HRNR: variants seen among roughly 807,000 people sequenced by gnomAD.
HRNR encodes hornerin, also known as filaggrin family member 3.
In HRNR, 7 loss-of-function variants were observed where a neutral mutation model predicts 4.8. The ratio of observed to expected loss-of-function variants is 1.47; its 90% CI spans 0.83 to 2.75. The LOEUF (loss-of-function observed/expected upper bound fraction) is 2.75. Ranked by LOEUF, HRNR falls within the 30% of genes most tolerant of loss-of-function variation. The probability of loss-of-function intolerance (pLI) is 0.00; values close to 1 mark genes in which losing one functional copy is unlikely to be tolerated. For missense variants in HRNR, 2,879 were observed against 3,010.4 expected (o/e 0.96, Z 1.02); for synonymous variants, 1,023 against 1,242.7 (o/e 0.82, Z 3.72).
At position 152,219,602 on chromosome 1, in the gene HRNR, C is replaced by T. The variant is rs147863842; in HGVS notation, c.2027G>A (p.Gly676Asp). The T allele has an allele frequency of 3.1e-4, 498 of 1,610,560 alleles. No homozygotes were observed. The highest frequency in any genetic ancestry group is 5.2e-4 in the Admixed American group (31 of 59,714). ...GSDFGHSSSY[G>D]QHGSGSGWSS... ...CCAACCGGAGCCAGACCCATGTTGG[C>T]CGTAGCTGGAAGAGTGCCCAAAATC... The change falls in exon 3 of 3, where the codon GGC (glycine) becomes GAC (aspartate). Residue 676 changes from glycine (G) to aspartate (D), a missense_variant. Coordinates refer to ENST00000368801, the MANE Select transcript of HRNR (RefSeq NM_001009931.3).
rs748864249 is a variant in HRNR at position 152,215,380 on chromosome 1, T to A, written c.6249A>T (p.Arg2083=). 45 of 1,590,378 alleles carry A rather than the reference T, an allele frequency of 2.8e-5. 2 individuals carry two copies. The highest frequency in any genetic ancestry group is 3.6e-5 in the Non-Finnish European group (42 of 1,172,640). The change falls in exon 3 of 3, where the codon CGA becomes CGT. Residue 2083 remains arginine, a synonymous_variant. Transcript: ENST00000368801. Reference sequence around the variant, plus strand: ...AAGACCGACCGGAGCCAGACCCATGTCGGCCATAGCTGGGAGACTGCCTTG... The same window carrying A: ...AAGACCGACCGGAGCCAGACCCATGACGGCCATAGCTGGGAGACTGCCTTG... The part of the protein sequence containing the change: ...SGSRQSPSYG[R]HGSGSGRSSS...
chr1:152,221,470 A>AGTATC lies in HRNR; in HGVS notation c.154_158dup (p.Val54IlefsTer25). ...CCAGACTTTGCAAGATGATATCCAC[A>AGTATC]GTATCTGGATCGTTTGGATTCTGTA... On this transcript the variant is annotated frameshift_variant, in exon 3 of 3. Coordinates refer to ENST00000368801, the MANE Select transcript of HRNR (RefSeq NM_001009931.3). LOFTEE classifies it low-confidence loss of function (END_TRUNC). The AGTATC allele has an allele frequency of 6.2e-7, 1 of 1,606,928 alleles. No homozygotes were observed. Among genetic ancestry groups the AGTATC allele is most frequent in the Non-Finnish European group, 8.5e-7 (1 of 1,175,858 alleles).
rs1458973690 is a variant in HRNR, at chr1:152,219,299, C to G, written c.2330G>C (p.Ser777Thr). The change falls in exon 3 of 3, where the codon AGC becomes ACC. Residue 777 changes from serine to threonine, a missense_variant. Physicochemically the swap from Ser to Thr is moderately conservative, Grantham distance 58. This residue lies in a region of HRNR where 2,646 missense variants were observed against 1,377.7 expected (regional missense o/e 1.92). Coordinates refer to ENST00000368801, the MANE Select transcript of HRNR (RefSeq NM_001009931.3). The part of the protein sequence containing the change: ...RQGSGSGHSP[S>T]RVRHGSSSGH... ...TGAACTGGACCCATGTCGGACACGGCTAGGAGAGTGGCCAGATCCAGACCC... is the reference window on the plus strand; with the variant it reads ...TGAACTGGACCCATGTCGGACACGGGTAGGAGAGTGGCCAGATCCAGACCC... The G allele has an allele frequency of 1.2e-6, 2 of 1,613,308 alleles. No individual in the cohort carries two copies. Among genetic ancestry groups the G allele is most frequent in the East Asian group, 2.2e-5 (1 of 44,840 alleles).
Position 152,219,294 on chromosome 1 carries a change from C to G in HRNR, c.2335G>C (p.Val779Leu), listed in dbSNP as rs779417990. ...GSGSGHSPSR[V>L]RHGSSSGHSS... is the part of the protein sequence containing the mutation. ...TGCCCTGAACTGGACCCATGTCGGACACGGCTAGGAGAGTGGCCAGATCCA... is the reference window on the plus strand; with the variant it reads ...TGCCCTGAACTGGACCCATGTCGGAGACGGCTAGGAGAGTGGCCAGATCCA... Residue 779 changes from valine (V) to leucine (L), a missense_variant, in exon 3 of 3, where the codon GTC becomes CTC. Physicochemically the swap from Val to Leu is conservative, Grantham distance 32 (BLOSUM62 1). Around this residue, in one of 8 missense-constraint regions of HRNR, gnomAD observed 2,646 missense variants for 1,377.7 expected, o/e 1.92. Transcript: ENST00000368801. 1.1e-5 allele frequency: 18 copies of G among 1,613,132 alleles called. No individual in the cohort carries two copies. Among genetic ancestry groups the G allele is most frequent in the Non-Finnish European group, 1.4e-5 (16 of 1,179,876 alleles).
At position 152,218,836 on chromosome 1, in the gene HRNR, G is replaced by T. The variant is rs182032057; in HGVS notation, c.2793C>A (p.Gly931=). Reference sequence around the variant, plus strand: ...GCCCTGAGCTAGACTTGTGACCAAAGCCAGAAGACTGGCCTGAGCCAGACC... The same window carrying T: ...GCCCTGAGCTAGACTTGTGACCAAATCCAGAAGACTGGCCTGAGCCAGACC... The part of the protein sequence containing the change: ...RHGSGSGQSS[G]FGHKSSSGQS... The change falls in exon 3 of 3, where the codon GGC becomes GGA. Residue 931 remains glycine, a synonymous_variant. Coordinates refer to ENST00000368801, the MANE Select transcript of HRNR (RefSeq NM_001009931.3). The T allele has an allele frequency of 2.3e-4, 373 of 1,613,754 alleles. No homozygotes were observed. Among genetic ancestry groups the T allele is most frequent in the African/African-American group, 8.5e-4 (64 of 74,916 alleles).
chr1:152,223,444 C>T (rs1649069017), intron 1 of HRNR, among the ~76,000 whole-genome samples, 166 bp from the exon 2 acceptor site: 1 of 152,268 alleles, frequency 6.6e-6, no homozygotes, highest in Middle Eastern at 3.4e-3. Context: ...CTTGTTCAAG[C>T]CATGTAGCAA....
rs61814943 is a variant in HRNR, at chr1:152,219,687, G to C, written c.1942C>G (p.Arg648Gly). ...GATCCAGAGCCCTGTTGGCCATAGCGAGAAGACTGACTTGAGCCAGAGCCA... is the reference window on the plus strand; with the variant it reads ...GATCCAGAGCCCTGTTGGCCATAGCCAGAAGACTGACTTGAGCCAGAGCCA... ...QHGSGSSQSS[R>G]YGQQGSGSGQ... The change falls in exon 3 of 3, where the codon CGC becomes GGC. Residue 648 changes from arginine (R) to glycine (G), a missense_variant. Coordinates refer to ENST00000368801, the MANE Select transcript of HRNR (RefSeq NM_001009931.3). 200 of 1,472,856 alleles carry C rather than the reference G, an allele frequency of 1.4e-4. No homozygotes were observed. The highest frequency in any genetic ancestry group is 1.3e-3 in the African/African-American group (86 of 66,148). The allele number at this position is 1,472,856 out of a possible 1,614,324, so 91.2% of individuals were successfully genotyped here.
At position 152,220,927 on chromosome 1, in the gene HRNR, G is replaced by T; in HGVS notation, c.702C>A (p.His234Gln). 1.2e-6 allele frequency: 2 copies of T among 1,612,358 alleles called. No individual in the cohort carries two copies. The highest frequency in any genetic ancestry group is 1.7e-6 in the Non-Finnish European group (2 of 1,178,366). ...CAGAGGACTGCCCTGAGCTAGACTT[G>T]TGTTGACTAAAGCCAGAAGACTGGC... ...GSGQSSGFSQHKSSSGQSSGY... is the reference protein window; with the variant it reads ...GSGQSSGFSQQKSSSGQSSGY... Residue 234 changes from histidine to glutamine, a missense_variant, in exon 3 of 3, where the codon CAC becomes CAA. His to Gln is a conservative substitution (Grantham distance 24, BLOSUM62 0). Transcript: ENST00000368801.
At position 152,219,449 on chromosome 1, in the gene HRNR, C is replaced by G. The variant is rs373371145; in HGVS notation, c.2180G>C (p.Arg727Thr). ...GSGSSHSSGY[R>T]KHGSRSGQSS... is the part of the protein sequence containing the mutation. ...CTGTCCTGACCTAGAGCCGTGTTTT[C>G]TGTAGCCGGAGGAGTGACTTGAGCC... Residue 727 changes from arginine to threonine, a missense_variant, in exon 3 of 3, where the codon AGA becomes ACA. Transcript: ENST00000368801. 1.9e-6 allele frequency: 3 copies of G among 1,613,808 alleles called. No homozygotes were observed. In the African/African-American group the frequency reaches 4.0e-5, roughly 22 times the overall value.
At position 152,218,193 on chromosome 1, in the gene HRNR, AC is replaced by A. The variant is rs1648726207; in HGVS notation, c.3435del (p.Ser1146LeufsTer16). On this transcript the variant is annotated frameshift_variant, in exon 3 of 3. Coordinates refer to ENST00000368801, the MANE Select transcript of HRNR (RefSeq NM_001009931.3). LOFTEE classifies it low-confidence loss of function (END_TRUNC). ...CTGCTGGAAGACCGACCGGAGCCAG[AC>A]CCATGTCGGCCGTAGCTGGGAGACT... is the stretch of plus-strand genomic sequence containing the variant. Reference protein sequence around the residue: ...SRQSPSYGRHGSGSGRSSSSG... With the variant: ...SRQSPSYGRHXSGSGRSSSSG... 1 of 1,381,108 alleles carries A rather than the reference AC, an allele frequency of 7.2e-7. No individual in the cohort carries two copies. Among genetic ancestry groups the A allele is most frequent in the African/African-American group, 1.8e-5 (1 of 57,126 alleles). 85.6% of individuals were successfully genotyped at this position (1,381,108 alleles called of 1,614,324 possible).
At position 152,219,282 on chromosome 1, in the gene HRNR, AC is replaced by A. The variant is rs1557844495; in HGVS notation, c.2346del (p.Ser783ProfsTer268). The A allele has an allele frequency of 6.2e-6, 10 of 1,612,614 alleles. No homozygotes were observed. Among genetic ancestry groups the A allele is most frequent in the Non-Finnish European group, 8.5e-6 (10 of 1,179,764 alleles). On this transcript the variant is annotated frameshift_variant, in exon 3 of 3. Coordinates refer to ENST00000368801, the MANE Select transcript of HRNR (RefSeq NM_001009931.3). LOFTEE classifies it low-confidence loss of function (END_TRUNC). ...TGGCTGGAGGAGTGCCCTGAACTGG[AC>A]CCATGTCGGACACGGCTAGGAGAGT... ...SGHSPSRVRH[G>X]SSSGHSSSHG... is the part of the protein sequence containing the mutation.
chr1:152,222,972 C>G (rs922271172), intron 2 of HRNR, 144 bp downstream of exon 2: 5 of 780,004 alleles, frequency 6.4e-6, no homozygotes, highest in East Asian at 2.6e-5. Flanking sequence ...CTGCTTTTGA[C>G]CTTATCTCAA....
chr1:152,218,749 G>C lies in HRNR; in HGVS notation c.2880C>G (p.His960Gln). 1.9e-6 allele frequency: 3 copies of C among 1,613,676 alleles called. No homozygotes were observed. Among genetic ancestry groups the C allele is most frequent in the Non-Finnish European group, 1.7e-6 (2 of 1,179,978 alleles). The change falls in exon 3 of 3, where the codon CAC (histidine) becomes CAG (glutamine). Residue 960 changes from histidine to glutamine, a missense_variant. By Grantham distance (24) the His-to-Gln change is conservative. Transcript: ENST00000368801. ...GSGHSSSYEQ[H>Q]GSRSGQSSRS... Reference sequence around the variant, plus strand: ...TAGATGACTGTCCTGACCTAGAGCCGTGTTGTTCGTAGCTGGAGGAGTGAC... The same window carrying C: ...TAGATGACTGTCCTGACCTAGAGCCCTGTTGTTCGTAGCTGGAGGAGTGAC...
chr1:152,213,027 T>G lies in HRNR; in HGVS notation c.*49A>C. 6.4e-7 allele frequency: 1 copy of G among 1,568,322 alleles called. No individual in the cohort carries two copies. The highest frequency in any genetic ancestry group is 8.6e-7 in the Non-Finnish European group (1 of 1,158,554). ...TTCATGATGAATTCATAGATGACTT[T>G]CCTATTTCTTAAATTGCTACTTGAG... On this transcript the variant is annotated 3_prime_UTR_variant, in exon 3 of 3. Transcript: ENST00000368801.
chr1:152,212,923 A>T lies in HRNR; in HGVS notation c.*153T>A. On this transcript the variant is annotated 3_prime_UTR_variant, in exon 3 of 3. Coordinates refer to ENST00000368801, the MANE Select transcript of HRNR (RefSeq NM_001009931.3). ...GGAACCCCATAACAAGATATATGCTACAGTTTTAGGCTCTAAAGAAAGAGA... is the reference window on the plus strand; with the variant it reads ...GGAACCCCATAACAAGATATATGCTTCAGTTTTAGGCTCTAAAGAAAGAGA... 3 of 1,035,036 alleles carry T rather than the reference A, an allele frequency of 2.9e-6. No individual in the cohort carries two copies. Among genetic ancestry groups the T allele is most frequent in the Non-Finnish European group, 4.1e-6 (3 of 728,196 alleles). The allele number at this position is 1,035,036 out of a possible 1,614,324, so 64.1% of individuals were successfully genotyped here.
rs779129401 is a variant in HRNR, at chr1:152,213,102, C to A, written c.8527G>T (p.Glu2843Ter). 6.2e-7 allele frequency: 1 copy of A among 1,613,522 alleles called. No homozygotes were observed. Among genetic ancestry groups the A allele is most frequent in the Non-Finnish European group, 8.5e-7 (1 of 1,179,776 alleles). ...CACTGATAAAAGTAGCACCTCTGCTCTTGGACATATTCATAGGGTGAAGTG... is the reference window on the plus strand; with the variant it reads ...CACTGATAAAAGTAGCACCTCTGCTATTGGACATATTCATAGGGTGAAGTG... Reference protein sequence around the residue: ...SSTSPYEYVQEQRCYFYQ With the variant: ...SSTSPYEYVQ The change falls in exon 3 of 3, where the codon GAG becomes TAG. Residue 2843 changes from glutamate to a stop codon, truncating the protein, a stop_gained. Transcript: ENST00000368801. LOFTEE classifies it low-confidence loss of function (END_TRUNC).
chr1:152,221,031 C>A lies in HRNR; in HGVS notation c.598G>T (p.Gly200Trp). The change falls in exon 3 of 3, where the codon GGG becomes TGG. Residue 200 changes from glycine to tryptophan, a missense_variant. This residue lies in a region of HRNR where 2,646 missense variants were observed against 1,377.7 expected (regional missense o/e 1.92). Transcript: ENST00000368801. ...TGTTGGCCATAGTTGGGAGACTGCC[C>A]TGACCCAGACCCACATTGGCCGCGG... ...SGRGQCGSGS[G>W]QSPNYGQHGS... The A allele has an allele frequency of 1.9e-6, 3 of 1,613,512 alleles. No individual in the cohort carries two copies. Among genetic ancestry groups the A allele is most frequent in the Non-Finnish European group, 2.5e-6 (3 of 1,179,604 alleles).
Position 152,220,759 on chromosome 1 carries a change from G to A in HRNR, c.870C>T (p.Ser290=), listed in dbSNP as rs765884657. 8.1e-6 allele frequency: 13 copies of A among 1,614,116 alleles called. No individual in the cohort carries two copies. The highest frequency in any genetic ancestry group is 4.5e-5 in the East Asian group (2 of 44,876). Residue 290 remains serine, a synonymous_variant, in exon 3 of 3, where the codon TCC becomes TCT. Transcript: ENST00000368801. ...GTCGGCCGTGGCCCAAAGACTGACG[G>A]GAACCAGACCCATGCTGACCATAGC... ...SSSYGQHGSG[S]RQSLGHGRQG...
rs1472410684 is a variant in HRNR, at chr1:152,219,121, A to T, written c.2508T>A (p.Gly836=). ...QGYSQHGSAS[G]HFSSQGRHGS... ...CATGTCGTCCCTGGCTAGAGAAGTGACCTGAGGCAGAACCATGCTGACTAT... is the reference window on the plus strand; with the variant it reads ...CATGTCGTCCCTGGCTAGAGAAGTGTCCTGAGGCAGAACCATGCTGACTAT... The change falls in exon 3 of 3, where the codon GGT becomes GGA. Residue 836 remains glycine (G), a synonymous_variant. Coordinates refer to ENST00000368801, the MANE Select transcript of HRNR (RefSeq NM_001009931.3). 24 of 1,613,248 alleles carry T rather than the reference A, an allele frequency of 1.5e-5. No individual in the cohort carries two copies. Among genetic ancestry groups the T allele is most frequent in the Non-Finnish European group, 1.9e-5 (23 of 1,179,914 alleles).
Sources: gnomAD v4.1 joint callset for allele counts (sites outside exome capture counted in the v4.1 genomes callset) on GRCh38, gnomAD v4.1.1 for gene constraint, gnomAD v4.1.1 regional missense constraint, MANE v1.5 for transcripts, NCBI Gene and HGNC (gene_info 2026-07-23, HGNC 2026-07-21) for gene names.